The following PDZRN4 variants were observed in gnomAD, a reference collection of about 807,000 sequenced individuals.
PDZRN4 encodes PDZ domain containing ring finger 4.
A neutral mutation model predicts 99.0 loss-of-function variants in PDZRN4; 70 were observed. The ratio of observed to expected loss-of-function variants is 0.71; its 90% CI spans 0.58 to 0.86. PDZRN4 has a LOEUF of 0.86. Among genes scored for constraint, PDZRN4 ranks in the 40% least tolerant of loss-of-function variants. The probability of loss-of-function intolerance (pLI) is 0.00; values close to 1 mark genes in which losing one functional copy is unlikely to be tolerated. For missense variants in PDZRN4, 1,474 were observed against 1,331.2 expected, an observed-to-expected ratio of 1.11 and a Z score of -1.67; for synonymous variants, 551 against 501.6, an observed-to-expected ratio of 1.10 and a Z score of -1.32.
chr12:41,190,554 A>G (rs1399512893), intron 1 of PDZRN4, among the ~76,000 whole-genome samples: 1 of 152,214 alleles, frequency 6.6e-6, no homozygotes, highest in East Asian at 1.9e-4. Flanking sequence ...TTTGCAGACT[A>G]GCCAAAACCT....
intron 3 of PDZRN4, among the ~76,000 whole-genome samples, chr12:41,433,516 A>G (rs925921668): frequency 1.3e-5 from 2 of 152,238 alleles, no homozygotes; most frequent in Admixed American, 6.5e-5. Flanking sequence ...TGAATGCAGA[A>G]CTGGGACTAG....
At chr12:41,488,182 CATCCTAA>C (rs1937812594) in intron 3 of PDZRN4, among the ~76,000 whole-genome samples, 2 of 152,320 alleles carry the variant, frequency 1.3e-5, no homozygotes, top group Middle Eastern at 6.8e-3. Context: ...CATTATCCAG[CATCCTAA>C]ATCCTGACCC....
chr12:41,238,374 G>A (rs894776150), intron 3 of PDZRN4, among the ~76,000 whole-genome samples: 2 of 151,940 alleles, frequency 1.3e-5, no homozygotes, highest in African/African-American at 4.8e-5. Context: ...TTGACAAATG[G>A]GATTTAATTA....
intron 3 of PDZRN4, among the ~76,000 whole-genome samples, chr12:41,384,234 C>G (rs966882210): frequency 4.6e-5 from 7 of 151,980 alleles, no homozygotes; most frequent in Admixed American, 2.0e-4. Context: ...AAAAGGTAAT[C>G]AGTTTATAAA....
intron 3 of PDZRN4, among the ~76,000 whole-genome samples, chr12:41,450,503 A>C (rs929211534): frequency 8.5e-5 from 13 of 152,214 alleles, no homozygotes; most frequent in Non-Finnish European, 1.8e-4. Flanking sequence ...TTATTCAGAT[A>C]CTGGGGAATC....
Position 41,567,766 on chromosome 12 carries a change from A to G in PDZRN4, c.1468-17A>G. 1 of 1,496,674 alleles carries G rather than the reference A, an allele frequency of 6.7e-7. No homozygotes were observed. Among genetic ancestry groups the G allele is most frequent in the Admixed American group, 1.7e-5 (1 of 59,160 alleles). The allele number at this position is 1,496,674 out of a possible 1,614,324, so 92.7% of individuals were successfully genotyped here. ...TCTCACTAACATAATATAATGTACT[A>G]ATGTATTCTTTTGCAGCTGGATGAA... On this transcript the variant is annotated splice_polypyrimidine_tract_variant and intron_variant, in intron 8 of 9. Transcript: ENST00000402685.
At chr12:41,504,791 A>G (rs1938176935) in intron 3 of PDZRN4, among the ~76,000 whole-genome samples, 1 of 152,130 alleles carries the variant, frequency 6.6e-6, no homozygotes, top group South Asian at 2.1e-4. Flanking sequence ...AGTTTAGTTC[A>G]TGAAAAAAAG....
At chr12:41,381,887 A>T (rs1952129822) in intron 3 of PDZRN4, among the ~76,000 whole-genome samples, 1 of 152,158 alleles carries the variant, frequency 6.6e-6, no homozygotes, top group Non-Finnish European at 1.5e-5. Flanking sequence ...TTCTCTAGTC[A>T]GTTCAACCTG....
At chr12:41,401,630 G>A (rs1380191287) in intron 3 of PDZRN4, among the ~76,000 whole-genome samples, 1 of 151,994 alleles carries the variant, frequency 6.6e-6, no homozygotes, top group Non-Finnish European at 1.5e-5. Context: ...TCACTTTTGT[G>A]CAAATGCTTC....
At chr12:41,531,791 T>C (rs180932707) in intron 5 of PDZRN4, among the ~76,000 whole-genome samples, 1 of 152,306 alleles carries the variant, frequency 6.6e-6, no homozygotes, top group Admixed American at 6.5e-5. Context: ...ATATGGACTG[T>C]TTTTTGTTTA....
chr12:41,435,693 C>T (rs1283786544), intron 3 of PDZRN4, among the ~76,000 whole-genome samples: 2 of 152,072 alleles, frequency 1.3e-5, no homozygotes, highest in Non-Finnish European at 2.9e-5. Context: ...GAAGCTCAGG[C>T]AGAAGAATCG....
intron 8 of PDZRN4, among the ~76,000 whole-genome samples, chr12:41,567,147 A>G (rs1177193530): frequency 6.6e-6 from 1 of 152,214 alleles, no homozygotes; most frequent in East Asian, 1.9e-4. Context: ...TTCCTATAAA[A>G]TTGGGCCTGA....
chr12:41,552,589 G>C, intron 5 of PDZRN4, 67 bp from the exon 6 acceptor site: 1 of 1,193,898 alleles, frequency 8.4e-7, no homozygotes. Context: ...GAATATCAGT[G>C]AGTTCTCCAT....
rs144689088 is a variant in PDZRN4, at chr12:41,207,091, A to T, written c.843+12903A>T. Among the ~76,000 whole-genome samples, 14 of 152,094 alleles carry T rather than the reference A, an allele frequency of 9.2e-5. No homozygotes were observed. In the East Asian group the frequency reaches 2.7e-3, roughly 29 times the overall value. On this transcript the variant is annotated intron_variant, in intron 3 of 9. Transcript: ENST00000402685. The stretch of plus-strand genomic sequence containing the variant: ...TAAGAGACATAATTCTTTTCAACAG[A>T]TAAGGATGATCAAAGAAGAAAAATT...
chr12:41,232,989 C>T (rs909097106), intron 3 of PDZRN4, among the ~76,000 whole-genome samples: 11 of 151,970 alleles, frequency 7.2e-5, no homozygotes, highest in Non-Finnish European at 1.3e-4. Flanking sequence ...AGATATGCGG[C>T]ATTATTTCTG....
In PDZRN4 at chr12:41,391,976, A is replaced by G. The variant is rs538755181; in HGVS notation, c.844-114480A>G. On this transcript the variant is annotated intron_variant, in intron 3 of 9. Coordinates refer to ENST00000402685, the MANE Select transcript of PDZRN4 (RefSeq NM_001164595.2). ...TAAGGAGAATATGTAAAATTGAAAA[A>G]GACAAGAGGTTACAGGATAGCTTTA... Among the ~76,000 whole-genome samples, 41 of 152,292 alleles carry G rather than the reference A, an allele frequency of 2.7e-4. 1 individual carries two copies. Among genetic ancestry groups the G allele is most frequent in the Admixed American group, 1.6e-3 (24 of 15,288 alleles).
At chr12:41,319,359 G>A (rs1951659321) in intron 3 of PDZRN4, among the ~76,000 whole-genome samples, 1 of 152,104 alleles carries the variant, frequency 6.6e-6, no homozygotes, top group African/African-American at 2.4e-5. Context: ...CAGAGGTTGG[G>A]AGAGAAGCCT....
chr12:41,357,906 A>G (rs953561801), intron 3 of PDZRN4, among the ~76,000 whole-genome samples: 1 of 151,966 alleles, frequency 6.6e-6, no homozygotes, highest in African/African-American at 2.4e-5. Flanking sequence ...TAAGGGAGGA[A>G]CACTCTCCCC....
intron 3 of PDZRN4, chr12:41,459,939 C>G: frequency 1.6e-6 from 2 of 1,265,668 alleles, no homozygotes; most frequent in Non-Finnish European, 2.0e-6. Flanking sequence ...GAAAAAATGA[C>G]CTTTGTTTCA....
Sources: allele counts gnomAD v4.1 joint callset (sites outside exome capture counted in the v4.1 genomes callset), GRCh38; gene constraint gnomAD v4.1.1; transcripts MANE v1.5; gene names NCBI Gene and HGNC (gene_info 2026-07-23, HGNC 2026-07-21).